RAB3GAP1: variants seen among roughly 807,000 people sequenced by gnomAD.
The protein encoded by RAB3GAP1 is RAB3 GTPase activating protein catalytic subunit 1.
In RAB3GAP1, 86 loss-of-function variants were observed where a neutral mutation model predicts 130.7. That is an observed-to-expected ratio of 0.66 (90% CI 0.55 to 0.79). The LOEUF (loss-of-function observed/expected upper bound fraction) is 0.79. Among genes scored for constraint, RAB3GAP1 ranks in the 30% least tolerant of loss-of-function variants. RAB3GAP1 has a pLI of 0.00. For missense variants in RAB3GAP1, 1,029 were observed against 1,169.4 expected, an observed-to-expected ratio of 0.88 and a Z score of 1.75; for synonymous variants, 367 against 401.7, an observed-to-expected ratio of 0.91 and a Z score of 1.03.
intron 4 of RAB3GAP1, 144 bp from the exon 5 acceptor site, chr2:135,093,471 A>T: frequency 1.5e-6 from 1 of 665,174 alleles, no homozygotes; most frequent in Admixed American, 2.2e-5. Flanking sequence ...CTCTCCCTGT[A>T]CTCAAGAGCT....
At chr2:135,060,925 A>G (rs1689152050) in intron 3 of RAB3GAP1, among the ~76,000 whole-genome samples, 1 of 150,442 alleles carries the variant, frequency 6.6e-6, no homozygotes. Flanking sequence ...GCTGGTCTCC[A>G]ATTCCTGGCC....
rs118120241 is a variant in RAB3GAP1 at position 135,089,831 on chromosome 2, C to T, written c.151-1167C>T. The T allele has an allele frequency of 3.2e-4, 128 of 401,624 alleles. 1 individual carries two copies. The East Asian group carries it at 8.9e-3, about 28-fold the overall frequency. The allele number at this position is 401,624 out of a possible 1,614,324, so 24.9% of individuals were successfully genotyped here. On this transcript the variant is annotated intron_variant, in intron 3 of 23. Transcript: ENST00000264158. ...ACCATCATTCTCAGCACTCTTAACA[C>T]GGGAACAGAAAACCAAATGCTGCAT...
intron 19 of RAB3GAP1, among the ~76,000 whole-genome samples, chr2:135,159,009 A>G (rs976324738): frequency 1.3e-5 from 2 of 152,258 alleles, no homozygotes; most frequent in Non-Finnish European, 2.9e-5. Context: ...ACAGGAGCCA[A>G]CTGAAAGAGT....
intron 3 of RAB3GAP1, among the ~76,000 whole-genome samples, chr2:135,061,452 A>G (rs749721455): frequency 6.6e-6 from 1 of 152,158 alleles, no homozygotes; most frequent in Non-Finnish European, 1.5e-5. Flanking sequence ...GCAGTCATGT[A>G]TATTTTAGTC....
At position 135,164,677 on chromosome 2, in the gene RAB3GAP1, T is replaced by A; in HGVS notation, c.2690T>A (p.Leu897Gln). 1 of 1,608,256 alleles carries A rather than the reference T, an allele frequency of 6.2e-7. No homozygotes were observed. The highest frequency in any genetic ancestry group is 8.5e-7 in the Non-Finnish European group (1 of 1,175,064). The change falls in exon 23 of 24, where the codon CTG (leucine) becomes CAG (glutamine). Residue 897 changes from leucine (L) to glutamine (Q), a missense_variant. Around this residue, in one of 3 missense-constraint regions of RAB3GAP1, gnomAD observed 146 missense variants for 143.7 expected, o/e 1.02. Transcript: ENST00000264158. ...CATGCTGGCAGGATCATTCACAAGC[T>A]GTTTGTGAATGCCCAGAGGGTATGT... ...RGHAGRIIHKLFVNAQRAAAM... is the reference protein window; with the variant it reads ...RGHAGRIIHKQFVNAQRAAAM...
At chr2:135,153,595 T>C in intron 18 of RAB3GAP1, 54 bp from the exon 19 acceptor site, 1 of 1,527,092 alleles carries the variant, frequency 6.5e-7, no homozygotes, top group Admixed American at 1.7e-5. Context: ...AACAGGCTTA[T>C]CAGTAACTGT....
chr2:135,113,348 G>T, intron 6 of RAB3GAP1, 78 bp downstream of exon 6: 1 of 1,556,942 alleles, frequency 6.4e-7, no homozygotes, highest in South Asian at 1.1e-5. Context: ...GTTATTAAAT[G>T]TTAGCTTTTT....
intron 19 of RAB3GAP1, among the ~76,000 whole-genome samples, chr2:135,159,135 A>T (rs187020462): frequency 3.3e-5 from 5 of 152,314 alleles, no homozygotes; most frequent in Admixed American, 2.6e-4. Flanking sequence ...AATTGATTGG[A>T]TATATAAATT....
Position 135,168,567 on chromosome 2 carries a change from A to G in RAB3GAP1, c.2732A>G (p.Glu911Gly), listed in dbSNP as rs773949739. The G allele has an allele frequency of 6.2e-7, 1 of 1,613,930 alleles. No homozygotes were observed. Among genetic ancestry groups the G allele is most frequent in the South Asian group, 1.1e-5 (1 of 91,086 alleles). Residue 911 changes from glutamate (E) to glycine (G), a missense_variant, in exon 24 of 24, where the codon GAG becomes GGG. Transcript: ENST00000264158. ...CAGGCTGCAGCTATGACTCCACCAGAGGAGGAATTGAAGAGAATGGGCTCC... is the reference window on the plus strand; with the variant it reads ...CAGGCTGCAGCTATGACTCCACCAGGGGAGGAATTGAAGAGAATGGGCTCC... ...AQRAAAMTPP[E>G]EELKRMGSPE...
intron 3 of RAB3GAP1, among the ~76,000 whole-genome samples, chr2:135,068,688 G>A (rs2104838144): frequency 6.6e-6 from 1 of 152,318 alleles, no homozygotes; most frequent in East Asian, 1.9e-4. Flanking sequence ...GGGAGGCAGA[G>A]GTTGCAGTGA....
In RAB3GAP1 at chr2:135,135,865, G is replaced by A. The variant is rs758348245; in HGVS notation, c.1856G>A (p.Arg619Gln). Residue 619 changes from arginine to glutamine, a missense_variant, in exon 17 of 24, where the codon CGG (arginine) becomes CAG (glutamine). Around this residue, in one of 3 missense-constraint regions of RAB3GAP1, gnomAD observed 373 missense variants for 493.6 expected, o/e 0.76. Transcript: ENST00000264158. ...KEMANLRPEG[R>Q]LYQHGKLTLL... is the part of the protein sequence containing the mutation. ...ATGGCAAATTTAAGGCCGGAAGGAC[G>A]GCTCTATCAGCATGGGAAACTTACA... 4 of 1,614,058 alleles carry A rather than the reference G, an allele frequency of 2.5e-6. No homozygotes were observed. Among genetic ancestry groups the A allele is most frequent in the Admixed American group, 3.3e-5 (2 of 60,014 alleles).
At chr2:135,156,640 A>G (rs1000622418) in intron 19 of RAB3GAP1, among the ~76,000 whole-genome samples, 2 of 152,222 alleles carry the variant, frequency 1.3e-5, no homozygotes, top group Non-Finnish European at 2.9e-5. Flanking sequence ...CTTCCTTAAA[A>G]TCAGAAAATA....
chr2:135,100,649 T>C (rs1690424786), intron 5 of RAB3GAP1, among the ~76,000 whole-genome samples: 1 of 152,242 alleles, frequency 6.6e-6, no homozygotes, highest in Non-Finnish European at 1.5e-5. Flanking sequence ...TTGAGAACTG[T>C]TTAAAAGTTA....
At chr2:135,055,751 T>C (rs1246077388) in intron 2 of RAB3GAP1, among the ~76,000 whole-genome samples, 1 of 152,092 alleles carries the variant, frequency 6.6e-6, no homozygotes, top group Non-Finnish European at 1.5e-5. Flanking sequence ...ACTATAATAG[T>C]AATACCTTAT....
Position 135,153,360 on chromosome 2 carries a change from A to G in RAB3GAP1, c.2062-289A>G, listed in dbSNP as rs541330049. Among the ~76,000 whole-genome samples the G allele has an allele frequency of 9.8e-5, 15 of 152,308 alleles. No individual in the cohort carries two copies. In the South Asian group the frequency reaches 2.7e-3, roughly 27 times the overall value. On this transcript the variant is annotated intron_variant, in intron 18 of 23. Transcript: ENST00000264158. ...ATGAAAGTGTTTTCATTACTAAGTT[A>G]TATAACACATAATGTGTTTAAGAAA... is the stretch of plus-strand genomic sequence containing the variant.
intron 3 of RAB3GAP1, among the ~76,000 whole-genome samples, chr2:135,060,256 A>ATTTTT (rs60562266): frequency 0.029 from 3,232 of 109,754 alleles, 98 homozygotes; most frequent in African/African-American, 0.039. Context: ...TAACTGCTTG[A>ATTTTT]TTTTTTTTTT....
At chr2:135,101,367 C>G (rs546464126) in intron 5 of RAB3GAP1, among the ~76,000 whole-genome samples, 40 of 152,174 alleles carry the variant, frequency 2.6e-4, no homozygotes, top group South Asian at 1.9e-3. Flanking sequence ...AAAGCAATGA[C>G]AATGAAAATT....
chr2:135,077,142 C>T (rs1259834033), intron 3 of RAB3GAP1, among the ~76,000 whole-genome samples: 4 of 151,764 alleles, frequency 2.6e-5, no homozygotes, highest in African/African-American at 7.3e-5. Flanking sequence ...TGGTGGCTCA[C>T]GCCTGTGGTC....
At chr2:135,081,471 TGA>T (rs1438455333) in intron 3 of RAB3GAP1, among the ~76,000 whole-genome samples, 1 of 148,596 alleles carries the variant, frequency 6.7e-6, no homozygotes, top group African/African-American at 2.5e-5. Context: ...ATATGAATGG[TGA>T]GAGGAAAGTC....
Sources: allele counts gnomAD v4.1 joint callset (sites outside exome capture counted in the v4.1 genomes callset), GRCh38; gene constraint gnomAD v4.1.1; regional missense constraint gnomAD v4.1.1; transcripts MANE v1.5; gene names NCBI Gene and HGNC (gene_info 2026-07-23, HGNC 2026-07-21).